The following ADGRL2 variants were observed in gnomAD, a reference collection of about 807,000 sequenced individuals.
ADGRL2 encodes the protein adhesion G protein-coupled receptor L2.
Under a neutral mutation model 157.4 loss-of-function variants are expected in ADGRL2, and 44 were observed. The observed-to-expected ratio is 0.28, with a 90% CI of 0.22 to 0.36. The LOEUF is 0.36. ADGRL2 is among the 10% of genes least tolerant of loss of function. The pLI, the probability that ADGRL2 is intolerant of heterozygous loss-of-function variation, is 1.00. For synonymous variants in ADGRL2, 585 were observed against 624.7 expected (o/e 0.94, Z 0.95); for missense variants, 1,510 against 1,768.9 (o/e 0.85, Z 2.63).
chr1:81,858,779 C>A (rs566712665), intron 2 of ADGRL2, among the ~76,000 whole-genome samples: 1 of 152,110 alleles, frequency 6.6e-6, no homozygotes, highest in East Asian at 1.9e-4. Flanking sequence ...TAAAAGACAC[C>A]AAAATGTAGA....
intron 1 of ADGRL2, among the ~76,000 whole-genome samples, chr1:81,313,851 T>C (rs1659924489): frequency 6.6e-6 from 1 of 152,202 alleles, no homozygotes; most frequent in African/African-American, 2.4e-5. Flanking sequence ...TTTTCTGGTG[T>C]TCATTGATTC....
At chr1:81,673,009 G>C (rs1231382704) in intron 3 of ADGRL2, among the ~76,000 whole-genome samples, 1 of 152,210 alleles carries the variant, frequency 6.6e-6, no homozygotes, top group African/African-American at 2.4e-5. Flanking sequence ...CTCAGGGAAA[G>C]TGTACACTGG....
chr1:81,797,798 A>G (rs150488346), upstream of ADGRL2, among the ~76,000 whole-genome samples: 66 of 152,352 alleles, frequency 4.3e-4, 1 homozygote, highest in East Asian at 0.012. Flanking sequence ...AATTAAAAAC[A>G]TGAGTTTCTA....
intron 3 of ADGRL2, among the ~76,000 whole-genome samples, chr1:81,620,374 G>A (rs927983098): frequency 1.3e-5 from 2 of 152,268 alleles, no homozygotes; most frequent in East Asian, 1.9e-4. Context: ...TGGTTTTATG[G>A]ATTCTATTAT....
At chr1:81,721,389 A>C (rs1267388987) in intron 1 of ADGRL2, among the ~76,000 whole-genome samples, 1 of 152,162 alleles carries the variant, frequency 6.6e-6, no homozygotes, top group Non-Finnish European at 1.5e-5. Context: ...ATACTACTTT[A>C]GTTATATATC....
intron 3 of ADGRL2, among the ~76,000 whole-genome samples, chr1:81,609,362 A>G (rs994101261): frequency 5.9e-5 from 9 of 152,142 alleles, no homozygotes; most frequent in African/African-American, 1.9e-4. Context: ...TGTTTTATCT[A>G]CTAATTCTTG....
chr1:81,390,834 T>C (rs1557652415), intron 1 of ADGRL2, among the ~76,000 whole-genome samples: 1 of 152,306 alleles, frequency 6.6e-6, no homozygotes, highest in Non-Finnish European at 1.5e-5. Context: ...TGGATGGACA[T>C]TCATTATGTT....
At chr1:81,609,973 C>A (rs561556005) in intron 3 of ADGRL2, among the ~76,000 whole-genome samples, 5 of 152,208 alleles carry the variant, frequency 3.3e-5, no homozygotes, top group Admixed American at 6.5e-5. Flanking sequence ...AGTGCAATAT[C>A]TTTATCAGAG....
At chr1:81,916,481 TG>T (rs1306561006) in intron 3 of ADGRL2, among the ~76,000 whole-genome samples, 1 of 152,158 alleles carries the variant, frequency 6.6e-6, no homozygotes, top group Non-Finnish European at 1.5e-5. Flanking sequence ...CATTTTCTTC[TG>T]TTTTTTTTCT....
At chr1:81,846,990 T>G (rs1041430723) in intron 2 of ADGRL2, among the ~76,000 whole-genome samples, 45 of 151,404 alleles carry the variant, frequency 3.0e-4, no homozygotes, top group Middle Eastern at 3.4e-3. Flanking sequence ...TTTTGTTGTT[T>G]TTTTTTTTTT....
At chr1:81,469,231 A>G (rs902368485) in intron 2 of ADGRL2, among the ~76,000 whole-genome samples, 1 of 152,180 alleles carries the variant, frequency 6.6e-6, no homozygotes, top group African/African-American at 2.4e-5. Context: ...TTTGAGAACC[A>G]TTTCTGTAAA....
At chr1:81,626,025 A>G (rs546041651) in intron 3 of ADGRL2, among the ~76,000 whole-genome samples, 1 of 152,302 alleles carries the variant, frequency 6.6e-6, no homozygotes, top group Admixed American at 6.5e-5. Flanking sequence ...CCGCGACACA[A>G]TAACAATCCC....
intron 2 of ADGRL2, among the ~76,000 whole-genome samples, chr1:81,771,341 C>T (rs2086358957): frequency 6.6e-6 from 1 of 152,112 alleles, no homozygotes; most frequent in Admixed American, 6.5e-5. Flanking sequence ...TCCTCTTTCA[C>T]CTTAAAGACA....
intron 2 of ADGRL2, among the ~76,000 whole-genome samples, chr1:81,853,407 A>C (rs1025972374): frequency 1.3e-5 from 2 of 152,164 alleles, no homozygotes; most frequent in South Asian, 2.1e-4. Flanking sequence ...GAAAACACCT[A>C]TATCCATCTG....
chr1:81,933,987 T>C (rs565504325), intron 3 of ADGRL2, among the ~76,000 whole-genome samples: 2 of 152,224 alleles, frequency 1.3e-5, no homozygotes, highest in Middle Eastern at 3.4e-3. Context: ...TATAAACATA[T>C]GAAATTTTCA....
At chr1:81,930,036 T>C (rs537859406) in intron 3 of ADGRL2, among the ~76,000 whole-genome samples, 2 of 152,344 alleles carry the variant, frequency 1.3e-5, no homozygotes, top group East Asian at 3.9e-4. Context: ...CCAATTTTTT[T>C]CTGATTCTAC....
chr1:81,723,200 T>A (rs2084395012), intron 1 of ADGRL2: 1 of 458,350 alleles, frequency 2.2e-6, no homozygotes, highest in African/African-American at 2.0e-5. Flanking sequence ...TTGAAGATAA[T>A]CCCTACCCTT....
At chr1:81,789,779 A>G (rs1233596095) in intron 2 of ADGRL2, among the ~76,000 whole-genome samples, 5 of 151,948 alleles carry the variant, frequency 3.3e-5, no homozygotes, top group African/African-American at 9.7e-5. Flanking sequence ...TCAGCAAAAA[A>G]TCCAAACATC....
intron 17 of ADGRL2, among the ~76,000 whole-genome samples, chr1:81,976,403 AT>A (rs1660198666): frequency 6.6e-6 from 1 of 151,898 alleles, no homozygotes; most frequent in Non-Finnish European, 1.5e-5. Context: ...TTAACTATAA[AT>A]TTCTTTACAT....
Sources: allele counts gnomAD v4.1 joint callset (sites outside exome capture counted in the v4.1 genomes callset), GRCh38; gene constraint gnomAD v4.1.1; transcripts MANE v1.5; gene names NCBI Gene and HGNC (gene_info 2026-07-23, HGNC 2026-07-21).